PRRX1: variants seen among roughly 807,000 people sequenced by gnomAD.
The protein encoded by PRRX1 is paired mesoderm homeobox protein 1.
In PRRX1, 8 loss-of-function variants were observed where a neutral mutation model predicts 24.0. The observed-to-expected ratio is 0.33, with a 90% CI of 0.20 to 0.60. The LOEUF (loss-of-function observed/expected upper bound fraction) is 0.60, where lower values mean the gene tolerates loss of function less well. PRRX1 is among the 20% of genes least tolerant of loss of function. The pLI is 0.82. For missense variants in PRRX1, 281 were observed against 322.4 expected (o/e 0.87, Z 0.98); for synonymous variants, 160 against 131.7 (o/e 1.22, Z -1.47).
At chr1:170,678,948 A>G (rs562343902) in intron 1 of PRRX1, among the ~76,000 whole-genome samples, 2 of 152,330 alleles carry the variant, frequency 1.3e-5, no homozygotes, top group African/African-American at 4.8e-5. Context: ...CAGAATCTCC[A>G]AAGTATATGC....
Position 170,664,470 on chromosome 1 carries a change from G to C in PRRX1, c.241+11G>C. On this transcript the variant is annotated intron_variant, in intron 1 of 3. Coordinates refer to ENST00000239461, the MANE Select transcript of PRRX1 (RefSeq NM_022716.4). ...CCCCGCAGCAGGACAGTGAGTGAGG[G>C]GCGCATGCCCACGGGGGTGTGTGCC... 5.0e-6 allele frequency: 8 copies of C among 1,593,304 alleles called. No individual in the cohort carries two copies. The highest frequency in any genetic ancestry group is 6.8e-6 in the Non-Finnish European group (8 of 1,170,820).
At chr1:170,675,191 T>C (rs1316283164) in intron 1 of PRRX1, among the ~76,000 whole-genome samples, 1 of 152,180 alleles carries the variant, frequency 6.6e-6, no homozygotes, top group Non-Finnish European at 1.5e-5. Context: ...AGCAGTAAAG[T>C]CCTTCAGAGT....
chr1:170,731,556 G>A (rs999948468), intron 3 of PRRX1, among the ~76,000 whole-genome samples: 2 of 152,116 alleles, frequency 1.3e-5, no homozygotes, highest in Non-Finnish European at 2.9e-5. Flanking sequence ...TTGTCCATAC[G>A]TTTCCTGGCT....
chr1:170,669,441 A>G (rs1653066488), intron 1 of PRRX1: 2 of 145,884 alleles, frequency 1.4e-5, no homozygotes, highest in Admixed American at 6.8e-5. Context: ...AAAAAAAAAA[A>G]AAAAAAAAAA....
At chr1:170,683,304 AG>A (rs373566951) in intron 1 of PRRX1, among the ~76,000 whole-genome samples, 217 of 152,352 alleles carry the variant, frequency 1.4e-3, no homozygotes, top group African/African-American at 5.0e-3. Flanking sequence ...ATAGAGCAGC[AG>A]TGGTCGGCAC....
chr1:170,706,558 C>T (rs1473372559), intron 1 of PRRX1, among the ~76,000 whole-genome samples: 2 of 152,112 alleles, frequency 1.3e-5, no homozygotes, highest in African/African-American at 4.8e-5. Context: ...ACTGACGTTC[C>T]CCCGTACCCC....
chr1:170,719,117 A>G (rs1655000769), intron 1 of PRRX1, among the ~76,000 whole-genome samples: 1 of 152,204 alleles, frequency 6.6e-6, no homozygotes, highest in South Asian at 2.1e-4. Flanking sequence ...ATCTAGGCTG[A>G]GGCCTCTGAA....
At chr1:170,735,483 C>T (rs1655573718) in intron 3 of PRRX1, among the ~76,000 whole-genome samples, 1 of 152,132 alleles carries the variant, frequency 6.6e-6, no homozygotes, top group Non-Finnish European at 1.5e-5. Flanking sequence ...TGCTATCAAC[C>T]AGTAAATTAA....
intron 1 of PRRX1, among the ~76,000 whole-genome samples, chr1:170,691,523 C>T (rs1282659687): frequency 4.4e-5 from 6 of 135,180 alleles, no homozygotes; most frequent in African/African-American, 1.6e-4. Flanking sequence ...TCCTTCTTCC[C>T]TCCCTCCCTC....
chr1:170,700,436 T>G lies in PRRX1; in HGVS notation c.242-19290T>G, dbSNP rs190197371. 1.9e-3 allele frequency among the ~76,000 whole-genome samples: 284 copies of G among 152,302 alleles called. 1 individual carries two copies. Among genetic ancestry groups the G allele is most frequent in the Non-Finnish European group, 3.1e-3 (211 of 68,028 alleles). On this transcript the variant is annotated intron_variant, in intron 1 of 3. Coordinates refer to ENST00000239461, the MANE Select transcript of PRRX1 (RefSeq NM_022716.4). ...GACATGTCCTTGTGTCTTGAATTCC[T>G]GCTTTACTTATCTAGTAATTTAGAT...
intron 1 of PRRX1, among the ~76,000 whole-genome samples, chr1:170,691,337 T>G (rs1176492871): frequency 6.6e-6 from 1 of 152,062 alleles, no homozygotes; most frequent in South Asian, 2.1e-4. Context: ...CAGATCAAAC[T>G]TACATAAATA....
rs914408045 is a variant in PRRX1, at chr1:170,704,340, A to G, written c.242-15386A>G. Among the ~76,000 whole-genome samples, 30 of 152,344 alleles carry G rather than the reference A, an allele frequency of 2.0e-4. 1 individual carries two copies. Among genetic ancestry groups the G allele is most frequent in the Non-Finnish European group, 3.5e-4 (24 of 68,032 alleles). On this transcript the variant is annotated intron_variant, in intron 1 of 3. Transcript: ENST00000239461. ...ATGGAATTCTGTTCTTTCCAACTAC[A>G]CTGAGAATAAAGTGGGGGACATAGA...
At chr1:170,727,436 A>G (rs1364729699) in intron 3 of PRRX1, 2 of 152,178 alleles carry the variant, frequency 1.3e-5, no homozygotes, top group African/African-American at 4.8e-5. Context: ...AAATTCATTT[A>G]TTATGCTTTT....
chr1:170,695,799 A>G (rs1036788327), intron 1 of PRRX1, among the ~76,000 whole-genome samples: 1 of 150,976 alleles, frequency 6.6e-6, no homozygotes, highest in Non-Finnish European at 1.5e-5. Flanking sequence ...CGTGATCCCC[A>G]TCCTTCTTTT....
chr1:170,676,598 C>G (rs757062343), intron 1 of PRRX1, among the ~76,000 whole-genome samples: 1 of 152,108 alleles, frequency 6.6e-6, no homozygotes, highest in Non-Finnish European at 1.5e-5. Context: ...AACTGCTTCA[C>G]AAACTTTAAG....
chr1:170,713,546 C>G (rs1654811854), intron 1 of PRRX1, among the ~76,000 whole-genome samples: 1 of 152,132 alleles, frequency 6.6e-6, no homozygotes, highest in Non-Finnish European at 1.5e-5. Context: ...GAGTACCTCA[C>G]ATTCTTGAGT....
chr1:170,714,514 C>A (rs1654845125), intron 1 of PRRX1, among the ~76,000 whole-genome samples: 2 of 152,046 alleles, frequency 1.3e-5, no homozygotes, highest in African/African-American at 2.4e-5. Context: ...CTGATGTGAC[C>A]CAGGCATAGG....
intron 1 of PRRX1, among the ~76,000 whole-genome samples, chr1:170,700,089 A>T (rs772887877): frequency 2.0e-5 from 3 of 152,202 alleles, no homozygotes; most frequent in Non-Finnish European, 4.4e-5. Context: ...TGATGGGGTT[A>T]CAAACTTAAA....
intron 1 of PRRX1, among the ~76,000 whole-genome samples, chr1:170,715,433 C>T (rs1214139318): frequency 1.3e-5 from 2 of 151,794 alleles, no homozygotes; most frequent in East Asian, 3.9e-4. Flanking sequence ...AATATTGAAC[C>T]ATAATTTTTA....
Sources: allele counts gnomAD v4.1 joint callset (sites outside exome capture counted in the v4.1 genomes callset), GRCh38; gene constraint gnomAD v4.1.1; transcripts MANE v1.5; gene names NCBI Gene and HGNC (gene_info 2026-07-23, HGNC 2026-07-21).